TNFSF4: variants seen among roughly 807,000 people sequenced by gnomAD.
The protein encoded by TNFSF4 is TNF superfamily member 4.
In TNFSF4, 4 loss-of-function variants were observed where a neutral mutation model predicts 7.3. That is an observed-to-expected ratio of 0.55 (90% CI 0.27 to 1.25). TNFSF4 has a LOEUF of 1.25. Among genes scored for constraint, TNFSF4 ranks in the 50% most tolerant of loss-of-function variants. The pLI, the probability that TNFSF4 is intolerant of heterozygous loss-of-function variation, is 0.12. For missense variants in TNFSF4, 181 were observed against 208.8 expected, an observed-to-expected ratio of 0.87 and a Z score of 0.82; for synonymous variants, 76 against 83.7, an observed-to-expected ratio of 0.91 and a Z score of 0.50.
chr1:173,432,426 G>A, the TNFSF4 span, among the ~76,000 whole-genome samples: 2 of 152,164 alleles, frequency 1.3e-5, no homozygotes, highest in Non-Finnish European at 2.9e-5. Context: ...AATCCAGTAG[G>A]ACTGGTGACC....
the TNFSF4 span, among the ~76,000 whole-genome samples, chr1:173,339,173 G>C: frequency 6.6e-6 from 1 of 152,096 alleles, no homozygotes; most frequent in Non-Finnish European, 1.5e-5. Flanking sequence ...GAGCCCAAGA[G>C]TTTGAGACCA....
rs1279637390 is a variant in TNFSF4 at position 173,185,655 on chromosome 1, C to G, written c.*861G>C. 1 of 152,134 alleles carries G rather than the reference C, an allele frequency of 6.6e-6. No homozygotes were observed. The highest frequency in any genetic ancestry group is 1.9e-4 in the East Asian group (1 of 5,198). 9.4% of individuals were successfully genotyped at this position (152,134 alleles called of 1,614,324 possible). A position where few individuals can be genotyped will look rare whatever the true frequency, so the allele number is the denominator to read the frequency against. On this transcript the variant is annotated 3_prime_UTR_variant, in exon 3 of 3. Coordinates refer to ENST00000281834, the MANE Select transcript of TNFSF4 (RefSeq NM_003326.5). ...CTGTGGCAAAGAATGTGTTTTCCTC[C>G]CCAGGCTATTAAAATCCGTACTGAC... is the stretch of plus-strand genomic sequence containing the variant.
chr1:173,283,299 C>T, the TNFSF4 span, among the ~76,000 whole-genome samples: 1 of 151,946 alleles, frequency 6.6e-6, no homozygotes, highest in Non-Finnish European at 1.5e-5. Flanking sequence ...TTTCCCCCCC[C>T]AAAAAAGAGA....
Position 173,194,633 on chromosome 1 carries a change from AG to A in TNFSF4, c.154-6065del, listed in dbSNP as rs1487336824. ...TGCGGTAGCTCACACCTGTAATCCCAGCACTTTGGGAGGTCAAAGCAGGCCG... is the reference window on the plus strand; with the variant it reads ...TGCGGTAGCTCACACCTGTAATCCCACACTTTGGGAGGTCAAAGCAGGCCG... On this transcript the variant is annotated intron_variant, in intron 1 of 2. Transcript: ENST00000281834. Among the ~76,000 whole-genome samples the A allele has an allele frequency of 3.9e-5, 6 of 152,208 alleles. No individual in the cohort carries two copies. The East Asian group carries it at 1.2e-3, about 29-fold the overall frequency.
chr1:173,401,992 C>T, the TNFSF4 span, among the ~76,000 whole-genome samples: 3 of 152,134 alleles, frequency 2.0e-5, no homozygotes, highest in Non-Finnish European at 2.9e-5. Context: ...CTGTCAGTTT[C>T]GTATTTTCCA....
chr1:173,253,430 T>C, the TNFSF4 span, among the ~76,000 whole-genome samples: 2 of 152,208 alleles, frequency 1.3e-5, no homozygotes, highest in African/African-American at 4.8e-5. Flanking sequence ...AGGGTTCTCC[T>C]AGATACTTGG....
chr1:173,259,789 T>A, the TNFSF4 span, among the ~76,000 whole-genome samples: 1 of 151,752 alleles, frequency 6.6e-6, no homozygotes, highest in Non-Finnish European at 1.5e-5. Context: ...CAGATAAGAT[T>A]AGAGAAAAAA....
the TNFSF4 span, among the ~76,000 whole-genome samples, chr1:173,369,473 C>CTG: frequency 6.6e-6 from 1 of 152,138 alleles, no homozygotes; most frequent in Admixed American, 6.5e-5. Flanking sequence ...ACTAGTGTTT[C>CTG]CGCTGCTGCT....
At chr1:173,386,063 T>A in the TNFSF4 span, among the ~76,000 whole-genome samples, 5 of 152,096 alleles carry the variant, frequency 3.3e-5, no homozygotes, top group African/African-American at 1.2e-4. Flanking sequence ...ATTTCAGAGA[T>A]CTTCAAAGCT....
the TNFSF4 span, among the ~76,000 whole-genome samples, chr1:173,406,075 T>C: frequency 6.6e-6 from 1 of 152,198 alleles, no homozygotes; most frequent in African/African-American, 2.4e-5. Flanking sequence ...CAGATCAGTT[T>C]TCACACTGGC....
the TNFSF4 span, among the ~76,000 whole-genome samples, chr1:173,369,128 G>A: frequency 6.6e-6 from 1 of 152,080 alleles, no homozygotes; most frequent in African/African-American, 2.4e-5. Flanking sequence ...AATTGGGGGG[G>A]ATATCATTCC....
the TNFSF4 span, among the ~76,000 whole-genome samples, chr1:173,235,209 T>C: frequency 1.3e-5 from 2 of 152,194 alleles, no homozygotes; most frequent in African/African-American, 4.8e-5. Flanking sequence ...TTTTTGCTCT[T>C]TAGTTCAGCT....
At chr1:173,240,643 T>C in the TNFSF4 span, among the ~76,000 whole-genome samples, 1 of 152,222 alleles carries the variant, frequency 6.6e-6, no homozygotes, top group African/African-American at 2.4e-5. Context: ...AATTACCACT[T>C]GGCTGAATAC....
the TNFSF4 span, among the ~76,000 whole-genome samples, chr1:173,298,958 TTAACA>T: frequency 1.3e-5 from 2 of 151,980 alleles, no homozygotes; most frequent in African/African-American, 4.8e-5. Flanking sequence ...CAATGAGTAC[TTAACA>T]TGACACCTCT....
chr1:173,321,822 T>A, the TNFSF4 span, among the ~76,000 whole-genome samples: 1 of 152,160 alleles, frequency 6.6e-6, no homozygotes, highest in East Asian at 1.9e-4. Flanking sequence ...AATGAGATGC[T>A]GGAGAGGATG....
chr1:173,267,506 A>T, the TNFSF4 span, among the ~76,000 whole-genome samples: 1 of 152,176 alleles, frequency 6.6e-6, no homozygotes, highest in Non-Finnish European at 1.5e-5. Context: ...CCATTGTGGG[A>T]CATTGATCTA....
chr1:173,349,253 C>A, the TNFSF4 span, among the ~76,000 whole-genome samples: 1 of 152,242 alleles, frequency 6.6e-6, no homozygotes, highest in South Asian at 2.1e-4. Context: ...TGGTCTCGAT[C>A]TCCCGACCTC....
chr1:173,418,118 G>A, the TNFSF4 span: 1 of 152,168 alleles, frequency 6.6e-6, no homozygotes, highest in African/African-American at 2.4e-5. Context: ...TCCATTGATT[G>A]CCATGCCAGG....
chr1:173,221,095 G>T, the TNFSF4 span, among the ~76,000 whole-genome samples: 1 of 152,096 alleles, frequency 6.6e-6, no homozygotes. Flanking sequence ...GCTGGTATTG[G>T]TAAGTCTGAA....
Sources: allele counts gnomAD v4.1 joint callset (sites outside exome capture counted in the v4.1 genomes callset), GRCh38; gene constraint gnomAD v4.1.1; transcripts MANE v1.5; gene names NCBI Gene and HGNC (gene_info 2026-07-23, HGNC 2026-07-21).